KCNK9: variants seen among roughly 807,000 people sequenced by gnomAD.
KCNK9 encodes potassium channel subfamily K member 9.
Under a neutral mutation model 10.8 loss-of-function variants are expected in KCNK9, and 1 was observed. That is an observed-to-expected ratio of 0.09 (90% CI 0.03 to 0.44). KCNK9 has a LOEUF of 0.44. Ranked by LOEUF, KCNK9 falls within the 20% of genes least tolerant of loss-of-function variation. The pLI is 0.97. For missense variants in KCNK9, 303 were observed against 515.0 expected (o/e 0.59, Z 3.98); for synonymous variants, 231 against 222.7 (o/e 1.04, Z -0.33).
intron 1 of KCNK9, among the ~76,000 whole-genome samples, chr8:139,666,179 G>A (rs1816295507): frequency 6.6e-6 from 1 of 152,170 alleles, no homozygotes; most frequent in East Asian, 1.9e-4. Context: ...GTAAATACCT[G>A]CTAGGGAGAC....
downstream of KCNK9, among the ~76,000 whole-genome samples, chr8:139,610,933 C>T (rs1386453435): frequency 6.6e-6 from 1 of 152,236 alleles, no homozygotes; most frequent in South Asian, 2.1e-4. Context: ...CCTGTGCTGT[C>T]GCACCCCTGG....
intron 1 of KCNK9, among the ~76,000 whole-genome samples, chr8:139,644,407 T>C (rs1318847508): frequency 6.6e-6 from 1 of 152,242 alleles, no homozygotes; most frequent in Non-Finnish European, 1.5e-5. Flanking sequence ...TGTGACCCAC[T>C]AACTTGATTT....
intron 2 of KCNK9, among the ~76,000 whole-genome samples, chr8:139,602,644 A>G (rs1315788739): frequency 1.3e-5 from 2 of 152,250 alleles, no homozygotes; most frequent in Non-Finnish European, 2.9e-5. Flanking sequence ...GACCATTTGC[A>G]GATGAGCCAA....
intron 1 of KCNK9, among the ~76,000 whole-genome samples, chr8:139,685,538 T>C (rs1406445950): frequency 1.3e-5 from 2 of 152,246 alleles, no homozygotes; most frequent in African/African-American, 4.8e-5. Context: ...CGATGTTTGG[T>C]TTTCTGTCCT....
chr8:139,696,206 G>C (rs1817048155), intron 1 of KCNK9, among the ~76,000 whole-genome samples: 1 of 152,098 alleles, frequency 6.6e-6, no homozygotes, highest in Non-Finnish European at 1.5e-5. Context: ...TACATAATGA[G>C]CTCTTTACCA....
chr8:139,641,638 C>G (rs962811532), intron 1 of KCNK9, among the ~76,000 whole-genome samples: 12 of 145,940 alleles, frequency 8.2e-5, no homozygotes, highest in Admixed American at 3.4e-4. Flanking sequence ...CTGCCCCCCC[C>G]CCGCACTTTC....
chr8:139,637,680 T>C (rs539990794), intron 1 of KCNK9, among the ~76,000 whole-genome samples: 20 of 152,002 alleles, frequency 1.3e-4, no homozygotes, highest in Non-Finnish European at 2.8e-4. Flanking sequence ...ATCTGTTATA[T>C]AGCACAGTGC....
At chr8:139,682,802 G>C (rs1288807420) in intron 1 of KCNK9, among the ~76,000 whole-genome samples, 1 of 152,172 alleles carries the variant, frequency 6.6e-6, no homozygotes, top group African/African-American at 2.4e-5. Context: ...CGTTGCCGTA[G>C]TGCAGTGTTG....
At chr8:139,641,634 C>T (rs1004802523) in intron 1 of KCNK9, among the ~76,000 whole-genome samples, 2 of 55,176 alleles carry the variant, frequency 3.6e-5, no homozygotes, top group African/African-American at 1.3e-4. Context: ...TGGCCTGCCC[C>T]CCCCCCGCAC....
chr8:139,654,321 C>T lies in KCNK9; in HGVS notation c.284-35222G>A, dbSNP rs185642456. Among the ~76,000 whole-genome samples the T allele has an allele frequency of 3.1e-3, 468 of 152,354 alleles. 1 individual carries two copies. Among genetic ancestry groups the T allele is most frequent in the Admixed American group, 6.5e-3 (100 of 15,304 alleles). On this transcript the variant is annotated intron_variant, in intron 1 of 1. Transcript: ENST00000520439. ...CAGCCCCCTTCATCTGGGGATGGCT[C>T]TGCCTGGTCAGAGAGCAGAGCTGCT...
Position 139,667,988 on chromosome 8 carries a change from C to T in KCNK9, c.283+34722G>A, listed in dbSNP as rs115019650. The stretch of plus-strand genomic sequence containing the variant: ...CCTTTTACCATTCCTTGCTTTACTA[C>T]ACTTTGCAGATACTGTGTTTCTTAC... On this transcript the variant is annotated intron_variant, in intron 1 of 1. Coordinates refer to ENST00000520439, the MANE Select transcript of KCNK9 (RefSeq NM_001282534.2). Among the ~76,000 whole-genome samples, 202 of 152,332 alleles carry T rather than the reference C, an allele frequency of 1.3e-3. 1 individual carries two copies. The highest frequency in any genetic ancestry group is 6.8e-3 in the Middle Eastern group (2 of 294).
chr8:139,636,334 A>G (rs568947608), intron 1 of KCNK9, among the ~76,000 whole-genome samples: 1 of 152,248 alleles, frequency 6.6e-6, no homozygotes, highest in Non-Finnish European at 1.5e-5. Flanking sequence ...CCAGCACCTC[A>G]GCTGTTCTCA....
At chr8:139,675,966 C>T (rs1292888012) in intron 1 of KCNK9, among the ~76,000 whole-genome samples, 1 of 152,198 alleles carries the variant, frequency 6.6e-6, no homozygotes, top group Non-Finnish European at 1.5e-5. Flanking sequence ...AGAAATAATA[C>T]ACTGCTTTTA....
At chr8:139,626,961 G>A (rs1013647195) in intron 1 of KCNK9, among the ~76,000 whole-genome samples, 2 of 152,142 alleles carry the variant, frequency 1.3e-5, no homozygotes, top group East Asian at 1.9e-4. Flanking sequence ...CTTCGGCCCC[G>A]CTCAGGCCCC....
In KCNK9 at chr8:139,618,411, G is replaced by A. The variant is rs779204521; in HGVS notation, c.972C>T (p.Pro324=). 1.2e-6 allele frequency: 2 copies of A among 1,614,196 alleles called. No individual in the cohort carries two copies. The highest frequency in any genetic ancestry group is 1.3e-5 in the African/African-American group (1 of 75,044). ...PQNSFSAKLA[P]HYFHSISYKI... Reference sequence around the variant, plus strand: ...TGTAAGAGATGGAGTGGAAGTAGTGGGGGGCAAGCTTGGCGCTGAAGGAGT... The same window carrying A: ...TGTAAGAGATGGAGTGGAAGTAGTGAGGGGCAAGCTTGGCGCTGAAGGAGT... Residue 324 remains proline, a synonymous_variant, in exon 2 of 2, where the codon CCC becomes CCT. Coordinates refer to ENST00000520439, the MANE Select transcript of KCNK9 (RefSeq NM_001282534.2). This position sits in a 1 kb window ranked among gnomAD's most constrained non-coding sequence, Gnocchi z 7.9.
At chr8:139,664,483 T>TCCCTTATTAGCTAAATATGCTC (rs1816247805) in intron 1 of KCNK9, among the ~76,000 whole-genome samples, 1 of 151,988 alleles carries the variant, frequency 6.6e-6, no homozygotes. Flanking sequence ...ATGTCCAGCT[T>TCCCTTATTAGCTAAATATGCTC]CCCTTATTAG....
In KCNK9 at chr8:139,686,165, A is replaced by G. The variant is rs185451878; in HGVS notation, c.283+16545T>C. On this transcript the variant is annotated intron_variant, in intron 1 of 1. Transcript: ENST00000520439. ...GACCTAACACCATAAAAACCCTAGA[A>G]GAAAACCTAGGCAATACCATTCAGG... Among the ~76,000 whole-genome samples, 15 of 152,360 alleles carry G rather than the reference A, an allele frequency of 9.8e-5. No homozygotes were observed. In the East Asian group the frequency reaches 2.9e-3, roughly 29 times the overall value.
intron 1 of KCNK9, among the ~76,000 whole-genome samples, chr8:139,683,410 C>T (rs540696225): frequency 6.6e-6 from 1 of 152,348 alleles, no homozygotes; most frequent in East Asian, 1.9e-4. Context: ...CCATCTCCTC[C>T]TCTTCTGATT....
intron 1 of KCNK9, among the ~76,000 whole-genome samples, chr8:139,687,685 C>CATATGTATACATATATATGAAT (rs1554627086): frequency 1.1e-4 from 15 of 137,202 alleles, no homozygotes; most frequent in Non-Finnish European, 6.2e-5. Flanking sequence ...CATATATATT[C>CATATGTATACATATATATGAAT]ATATGTATAC....
Sources: gnomAD v4.1 joint callset for allele counts (sites outside exome capture counted in the v4.1 genomes callset) on GRCh38, gnomAD v4.1.1 for gene constraint, Gnocchi (gnomAD v3.1) non-coding constraint, MANE v1.5 for transcripts, NCBI Gene and HGNC (gene_info 2026-07-23, HGNC 2026-07-21) for gene names.